The following DLG2 variants were observed in gnomAD, a reference collection of about 807,000 sequenced individuals.
DLG2 encodes disks large homolog 2.
Under a neutral mutation model 132.5 loss-of-function variants are expected in DLG2, and 45 were observed. The observed-to-expected ratio is 0.34, with a 90% CI of 0.27 to 0.44. DLG2 has a LOEUF of 0.44. Among genes scored for constraint, DLG2 ranks in the 20% least tolerant of loss-of-function variants. The pLI, the probability that DLG2 is intolerant of heterozygous loss-of-function variation, is 1.00. For missense variants in DLG2, 1,045 were observed against 1,196.9 expected, an observed-to-expected ratio of 0.87 and a Z score of 1.87; for synonymous variants, 424 against 419.6, an observed-to-expected ratio of 1.01 and a Z score of -0.13.
chr11:84,818,005 T>G (rs1447433321), intron 6 of DLG2, among the ~76,000 whole-genome samples: 2 of 152,020 alleles, frequency 1.3e-5, no homozygotes, highest in African/African-American at 4.8e-5. Context: ...TCCTGAGTAC[T>G]AGCATATGCC....
At chr11:85,559,301 C>T (rs1264015783) in intron 3 of DLG2, among the ~76,000 whole-genome samples, 1 of 151,040 alleles carries the variant, frequency 6.6e-6, no homozygotes, top group African/African-American at 2.4e-5. Flanking sequence ...ACAGGGTCCA[C>T]CACCACACCC....
chr11:83,643,657 A>G (rs1172606563), intron 18 of DLG2: 1 of 152,142 alleles, frequency 6.6e-6, no homozygotes, highest in Non-Finnish European at 1.5e-5. Flanking sequence ...TCCATGCAAA[A>G]TGTGACTTGC....
intron 6 of DLG2, among the ~76,000 whole-genome samples, chr11:84,958,641 C>G (rs2052047814): frequency 1.3e-5 from 2 of 152,132 alleles, no homozygotes; most frequent in African/African-American, 4.8e-5. Flanking sequence ...AATTCCACAT[C>G]AATAAAACAC....
chr11:84,300,465 G>A (rs1053109923), intron 7 of DLG2, among the ~76,000 whole-genome samples: 5 of 152,186 alleles, frequency 3.3e-5, no homozygotes, highest in African/African-American at 1.2e-4. Context: ...CGATGGTTAA[G>A]AAGACCCTGC....
intron 6 of DLG2, among the ~76,000 whole-genome samples, chr11:84,635,981 G>A (rs535892209): frequency 6.6e-6 from 1 of 152,266 alleles, no homozygotes; most frequent in Non-Finnish European, 1.5e-5. Flanking sequence ...AAAAGCCAAG[G>A]ACAAAATGTA....
intron 6 of DLG2, among the ~76,000 whole-genome samples, chr11:84,799,087 A>G (rs1245090545): frequency 6.6e-6 from 1 of 152,198 alleles, no homozygotes; most frequent in Non-Finnish European, 1.5e-5. Flanking sequence ...TAGGTCACAC[A>G]TTGCCCCAGT....
At chr11:84,789,402 AT>A (rs1181864713) in intron 6 of DLG2, among the ~76,000 whole-genome samples, 11 of 151,846 alleles carry the variant, frequency 7.2e-5, no homozygotes, top group Non-Finnish European at 1.0e-4. Context: ...ACAAAGCTTT[AT>A]TTTTTTTCCT....
At chr11:84,884,583 T>C (rs1297861533) in intron 6 of DLG2, among the ~76,000 whole-genome samples, 3 of 152,152 alleles carry the variant, frequency 2.0e-5, no homozygotes, top group South Asian at 2.1e-4. Context: ...ACTTTGACTA[T>C]ACAACTAACT....
At chr11:84,111,538 T>A (rs751063456) in intron 9 of DLG2, among the ~76,000 whole-genome samples, 36 of 152,328 alleles carry the variant, frequency 2.4e-4, no homozygotes, top group Non-Finnish European at 1.0e-4. Flanking sequence ...TGAGTTAAAC[T>A]AAACTGAAGA....
intron 3 of DLG2, among the ~76,000 whole-genome samples, chr11:85,460,321 A>C (rs1202159538): frequency 6.6e-6 from 1 of 152,042 alleles, no homozygotes; most frequent in African/African-American, 2.4e-5. Flanking sequence ...CTCTGCCCAG[A>C]CTCCACACAG....
At chr11:85,264,407 A>C (rs1351497409) in intron 4 of DLG2, among the ~76,000 whole-genome samples, 2 of 152,102 alleles carry the variant, frequency 1.3e-5, no homozygotes, top group Non-Finnish European at 2.9e-5. Flanking sequence ...TTTCCCCCTT[A>C]GGTTTATCTA....
At chr11:84,092,211 A>G (rs915673454) in intron 10 of DLG2, among the ~76,000 whole-genome samples, 1 of 152,214 alleles carries the variant, frequency 6.6e-6, no homozygotes, top group African/African-American at 2.4e-5. Context: ...GATGTAGGTT[A>G]TTAGGGGGCA....
At chr11:85,128,806 G>A (rs1381672933) in intron 5 of DLG2, among the ~76,000 whole-genome samples, 1 of 152,102 alleles carries the variant, frequency 6.6e-6, no homozygotes, top group Non-Finnish European at 1.5e-5. Context: ...CAGTGTTATT[G>A]AGATGACTTC....
Position 85,089,619 on chromosome 11 carries a change from A to C in DLG2, c.357+22042T>G, listed in dbSNP as rs2068452968. On this transcript the variant is annotated intron_variant, in intron 6 of 27. Coordinates refer to ENST00000376104, the MANE Select transcript of DLG2 (RefSeq NM_001142699.3). ...AATGCATGTGTCTTTTTGGTAGAGC[A>C]ATTTGTTTTCCTTAGACTATATACT... Among the ~76,000 whole-genome samples the C allele has an allele frequency of 2.0e-5, 3 of 152,148 alleles. No individual in the cohort carries two copies. The South Asian group carries it at 6.2e-4, about 32-fold the overall frequency.
chr11:84,440,059 G>A (rs1316027005), intron 7 of DLG2, among the ~76,000 whole-genome samples: 4 of 152,262 alleles, frequency 2.6e-5, no homozygotes, highest in Admixed American at 1.3e-4. Flanking sequence ...GATCTTTGAT[G>A]TTTGATCAAT....
At chr11:85,354,538 A>T (rs181504615) in intron 3 of DLG2, among the ~76,000 whole-genome samples, 2 of 152,208 alleles carry the variant, frequency 1.3e-5, no homozygotes, top group Non-Finnish European at 1.5e-5. Context: ...TATCTCATGA[A>T]GGAGCCAATA....
chr11:85,197,326 G>C (rs1595295146), intron 4 of DLG2, among the ~76,000 whole-genome samples: 1 of 152,110 alleles, frequency 6.6e-6, no homozygotes, highest in East Asian at 1.9e-4. Context: ...AAACTAATGA[G>C]TCTAATGAAA....
chr11:84,063,583 T>C lies in DLG2; in HGVS notation c.750-4099A>G, dbSNP rs192268466. On this transcript the variant is annotated intron_variant, in intron 10 of 27. Transcript: ENST00000376104. ...TTCCTCAGGGATCTAGAACTAGAAATACCATTTGACCCAGCCATCCCATTA... is the reference window on the plus strand; with the variant it reads ...TTCCTCAGGGATCTAGAACTAGAAACACCATTTGACCCAGCCATCCCATTA... Among the ~76,000 whole-genome samples, 10 of 152,258 alleles carry C rather than the reference T, an allele frequency of 6.6e-5. No individual in the cohort carries two copies. In the East Asian group the frequency reaches 1.9e-3, roughly 29 times the overall value.
chr11:83,695,910 T>C (rs773658540), intron 18 of DLG2, among the ~76,000 whole-genome samples: 1 of 151,934 alleles, frequency 6.6e-6, no homozygotes, highest in South Asian at 2.1e-4. Flanking sequence ...ATGGTCACTG[T>C]AGACATTTGA....
Sources: allele counts gnomAD v4.1 joint callset (sites outside exome capture counted in the v4.1 genomes callset), GRCh38; gene constraint gnomAD v4.1.1; transcripts MANE v1.5; gene names NCBI Gene and HGNC (gene_info 2026-07-23, HGNC 2026-07-21).